The following BMPR1B variants were observed in gnomAD, a reference collection of about 807,000 sequenced individuals.
BMPR1B encodes bone morphogenetic protein receptor type-1B.
A neutral mutation model predicts 59.1 loss-of-function variants in BMPR1B; 12 were observed. That is an observed-to-expected ratio of 0.20 (90% CI 0.13 to 0.33). BMPR1B has a LOEUF of 0.33. Ranked by LOEUF, BMPR1B falls within the 10% of genes least tolerant of loss-of-function variation. The probability of loss-of-function intolerance (pLI) is 1.00; values close to 1 mark genes in which losing one functional copy is unlikely to be tolerated. For missense variants in BMPR1B, 550 were observed against 610.9 expected, an observed-to-expected ratio of 0.90 and a Z score of 1.05; for synonymous variants, 237 against 207.3, an observed-to-expected ratio of 1.14 and a Z score of -1.23.
chr4:95,158,058 G>A lies in BMPR1B; in HGVS notation c.*3385G>A, dbSNP rs1375100420. On this transcript the variant is annotated 3_prime_UTR_variant, in exon 13 of 13. Transcript: ENST00000515059. Reference sequence around the variant, plus strand: ...ATCTGATTCTTCTTTGTTTGTGGGTGGAACGGCACTGAGAGAAGTATAGTT... The same window carrying A: ...ATCTGATTCTTCTTTGTTTGTGGGTAGAACGGCACTGAGAGAAGTATAGTT... 3 of 152,102 alleles carry A rather than the reference G, an allele frequency of 2.0e-5. No individual in the cohort carries two copies. The highest frequency in any genetic ancestry group is 7.2e-5 in the African/African-American group (3 of 41,430). The allele number at this position is 152,102 out of a possible 1,614,324, so 9.4% of individuals were successfully genotyped here. A position where few individuals can be genotyped will look rare whatever the true frequency, so the allele number is the denominator to read the frequency against.
At chr4:95,029,609 T>C (rs1201922568) in intron 3 of BMPR1B, among the ~76,000 whole-genome samples, 1 of 152,190 alleles carries the variant, frequency 6.6e-6, no homozygotes, top group Non-Finnish European at 1.5e-5. Flanking sequence ...GCTTGATTTA[T>C]AATCCTTTGG....
chr4:95,019,279 T>G (rs1366280613), intron 3 of BMPR1B, among the ~76,000 whole-genome samples: 2 of 152,194 alleles, frequency 1.3e-5, no homozygotes, highest in Non-Finnish European at 2.9e-5. Flanking sequence ...CAAATTTTGT[T>G]TAAATAGGGG....
intron 1 of BMPR1B, among the ~76,000 whole-genome samples, chr4:94,785,491 A>G (rs1464292078): frequency 6.6e-6 from 1 of 152,182 alleles, no homozygotes; most frequent in Non-Finnish European, 1.5e-5. Flanking sequence ...GGTGAAAAGA[A>G]AGACATGTAG....
rs1049711814 is a variant in BMPR1B at position 94,770,110 on chromosome 4, T to C, written c.-183+12042T>C. Among the ~76,000 whole-genome samples, 4 of 152,026 alleles carry C rather than the reference T, an allele frequency of 2.6e-5. No homozygotes were observed. The East Asian group carries it at 7.7e-4, about 29-fold the overall frequency. On this transcript the variant is annotated intron_variant, in intron 1 of 12. Coordinates refer to ENST00000515059, the MANE Select transcript of BMPR1B (RefSeq NM_001203.3). Reference sequence around the variant, plus strand: ...CAGAGAATGCTGATCTTTGTTGTTTTTCTTTATATGACCATCCTGTCGTTC... The same window carrying C: ...CAGAGAATGCTGATCTTTGTTGTTTCTCTTTATATGACCATCCTGTCGTTC...
intron 2 of BMPR1B, among the ~76,000 whole-genome samples, chr4:94,882,978 ATGTGTGTG>A (rs112253431): frequency 6.9e-6 from 1 of 144,478 alleles, no homozygotes; most frequent in Non-Finnish European, 1.5e-5. Flanking sequence ...GTGTGTGTGT[ATGTGTGTG>A]TGTGTGTGTG....
chr4:95,115,263 A>G (rs1258244130), intron 5 of BMPR1B, among the ~76,000 whole-genome samples: 4 of 152,308 alleles, frequency 2.6e-5, no homozygotes, highest in African/African-American at 7.2e-5. Context: ...TCTTTAAGTG[A>G]CACATGATTG....
chr4:95,002,894 T>G (rs188382138), intron 3 of BMPR1B, among the ~76,000 whole-genome samples: 1 of 152,248 alleles, frequency 6.6e-6, no homozygotes, highest in African/African-American at 2.4e-5. Flanking sequence ...TACTAGTGAA[T>G]TTGAGTTATT....
At chr4:94,830,857 C>G (rs1338676510) in intron 1 of BMPR1B, among the ~76,000 whole-genome samples, 2 of 152,146 alleles carry the variant, frequency 1.3e-5, no homozygotes, top group Non-Finnish European at 2.9e-5. Flanking sequence ...GTAAACAAAC[C>G]TGTGCTGCCA....
intron 10 of BMPR1B, among the ~76,000 whole-genome samples, chr4:95,140,886 G>C (rs1734188206): frequency 6.6e-6 from 1 of 152,140 alleles, no homozygotes; most frequent in Non-Finnish European, 1.5e-5. Context: ...ACTTAGTTCT[G>C]CTTAATGGAA....
chr4:95,090,167 A>T (rs1469752766), intron 3 of BMPR1B, among the ~76,000 whole-genome samples: 1 of 152,044 alleles, frequency 6.6e-6, no homozygotes, highest in African/African-American at 2.4e-5. Flanking sequence ...TATCCTATGC[A>T]TATTTTTTTC....
chr4:94,795,732 G>T (rs1723164548), intron 1 of BMPR1B, among the ~76,000 whole-genome samples: 1 of 152,072 alleles, frequency 6.6e-6, no homozygotes, highest in South Asian at 2.1e-4. Context: ...CCAAAGTGCT[G>T]GGATTACAGG....
intron 2 of BMPR1B, among the ~76,000 whole-genome samples, chr4:94,979,848 T>C (rs1357011826): frequency 6.6e-6 from 1 of 152,220 alleles, no homozygotes. Context: ...TTGGAAAATG[T>C]TGGACTGTTT....
chr4:95,067,193 C>T (rs183592382), intron 3 of BMPR1B, among the ~76,000 whole-genome samples: 4 of 152,162 alleles, frequency 2.6e-5, no homozygotes, highest in Non-Finnish European at 4.4e-5. Context: ...AAACTGGTAG[C>T]ATTTTACAGA....
chr4:94,789,765 A>ATATATATCT (rs1238530050), intron 1 of BMPR1B, among the ~76,000 whole-genome samples: 26 of 152,142 alleles, frequency 1.7e-4, no homozygotes, highest in African/African-American at 6.3e-4. Context: ...CTCACCTAAT[A>ATATATATCT]TATATATCTT....
chr4:94,939,730 A>G (rs1729439604), intron 2 of BMPR1B, among the ~76,000 whole-genome samples: 1 of 152,142 alleles, frequency 6.6e-6, no homozygotes. Flanking sequence ...GTTCTTTTGC[A>G]TTTTTTAGGG....
chr4:94,779,839 A>T (rs1465484341), intron 1 of BMPR1B, among the ~76,000 whole-genome samples: 1 of 151,942 alleles, frequency 6.6e-6, no homozygotes, highest in Admixed American at 6.6e-5. Flanking sequence ...CTTAAAAAAC[A>T]TTAGAAAAAA....
At chr4:94,771,876 G>A (rs1320292600) in intron 1 of BMPR1B, among the ~76,000 whole-genome samples, 1 of 152,168 alleles carries the variant, frequency 6.6e-6, no homozygotes, top group East Asian at 1.9e-4. Context: ...GATAATGTCT[G>A]AAATGATATT....
At chr4:95,071,777 T>TTTAGTTAAATAACCC (rs1187159217) in intron 3 of BMPR1B, among the ~76,000 whole-genome samples, 1 of 151,452 alleles carries the variant, frequency 6.6e-6, no homozygotes, top group Admixed American at 6.6e-5. Context: ...ATACTTCAGA[T>TTTAGTTAAATAACCC]TTAGTTAAAT....
At chr4:94,930,233 A>G (rs573850083) in intron 2 of BMPR1B, among the ~76,000 whole-genome samples, 1 of 152,252 alleles carries the variant, frequency 6.6e-6, no homozygotes, top group South Asian at 2.1e-4. Flanking sequence ...AATAAAGTGA[A>G]GAAACTTCAG....
Sources: gnomAD v4.1 joint callset for allele counts (sites outside exome capture counted in the v4.1 genomes callset) on GRCh38, gnomAD v4.1.1 for gene constraint, MANE v1.5 for transcripts, NCBI Gene and HGNC (gene_info 2026-07-23, HGNC 2026-07-21) for gene names.